DST: variants seen among roughly 807,000 people sequenced by gnomAD.
DST encodes the protein dystonin.
DST carries 253 observed loss-of-function variants against 875.2 expected under a neutral mutation model. The observed-to-expected ratio is 0.29, with a 90% CI of 0.26 to 0.32. DST has a LOEUF of 0.32. Ranked by LOEUF, DST falls within the 10% of genes least tolerant of loss-of-function variation. The pLI, the probability that DST is intolerant of heterozygous loss-of-function variation, is 1.00. For synonymous variants in DST, 3,124 were observed against 3,197.1 expected (o/e 0.98, Z 0.77); for missense variants, 8,287 against 9,111.6 (o/e 0.91, Z 3.68).
At chr6:56,792,584 C>T (rs1159587979) in intron 4 of DST, among the ~76,000 whole-genome samples, 3 of 152,054 alleles carry the variant, frequency 2.0e-5, no homozygotes, top group Admixed American at 1.3e-4. Flanking sequence ...CACAGGGGTA[C>T]ACCACCACAC....
chr6:56,761,012 T>C (rs2099615924), intron 4 of DST, among the ~76,000 whole-genome samples: 1 of 152,228 alleles, frequency 6.6e-6, no homozygotes, highest in Non-Finnish European at 1.5e-5. Flanking sequence ...AGTAACTGTG[T>C]TAGAGTTCTG....
chr6:56,644,550 T>G (rs956971523), intron 15 of DST, among the ~76,000 whole-genome samples: 1 of 152,132 alleles, frequency 6.6e-6, no homozygotes. Context: ...TTGGAGCTCA[T>G]ATCTGTGGAA....
chr6:56,509,440 G>A (rs1175022921), intron 74 of DST, among the ~76,000 whole-genome samples: 2 of 152,098 alleles, frequency 1.3e-5, no homozygotes, highest in Non-Finnish European at 2.9e-5. Flanking sequence ...ATAATGGCAC[G>A]CTTTGTATTC....
intron 45 of DST, among the ~76,000 whole-genome samples, chr6:56,599,868 A>C (rs1467145032): frequency 6.6e-6 from 1 of 152,034 alleles, no homozygotes; most frequent in Non-Finnish European, 1.5e-5. Context: ...AAAAAAAGTC[A>C]AAAAAATTAC....
intron 2 of DST, among the ~76,000 whole-genome samples, chr6:56,905,632 AT>A (rs34849441): frequency 0.025 from 3,768 of 150,992 alleles, 135 homozygotes; most frequent in African/African-American, 0.085. Flanking sequence ...GTATGCATAT[AT>A]TGCGTTTTCT....
chr6:56,471,138 C>T lies in DST; in HGVS notation c.22289G>A (p.Arg7430Gln), dbSNP rs1449851077. 1.2e-6 allele frequency: 2 copies of T among 1,611,300 alleles called. No individual in the cohort carries two copies. Among genetic ancestry groups the T allele is most frequent in the Non-Finnish European group, 1.7e-6 (2 of 1,178,752 alleles). ...AAGAATTCCATCAATAAATTCCTGC[C>T]GCGTTATTTTCCCATCCTGGTCTTT... Reference protein sequence around the residue: ...IDKDQDGKITRQEFIDGILSS... With the variant: ...IDKDQDGKITQQEFIDGILSS... The change falls in exon 95 of 104, where the codon CGG becomes CAG. Residue 7430 changes from arginine to glutamine, a missense_variant. Transcript: ENST00000680361.
At chr6:56,919,817 T>A (rs901662725) in intron 2 of DST, among the ~76,000 whole-genome samples, 1 of 152,104 alleles carries the variant, frequency 6.6e-6, no homozygotes, top group Non-Finnish European at 1.5e-5. Flanking sequence ...CATTTTGGCA[T>A]GCACCTGTAA....
intron 36 of DST, chr6:56,614,712 G>A: frequency 1.7e-6 from 2 of 1,144,002 alleles, no homozygotes. Context: ...TTAATGATTG[G>A]TCTAACCTCC....
chr6:56,791,347 A>G (rs573422915), intron 4 of DST, among the ~76,000 whole-genome samples: 5 of 152,204 alleles, frequency 3.3e-5, no homozygotes, highest in Non-Finnish European at 7.3e-5. Flanking sequence ...TGTAGGTGAG[A>G]GCAATTAGAT....
intron 29 of DST, 150 bp from the exon 30 acceptor site, chr6:56,631,539 T>C (rs2098780103): frequency 2.9e-6 from 2 of 701,050 alleles, no homozygotes; most frequent in African/African-American, 1.8e-5. Context: ...AACTACATCA[T>C]AGCATTCAAG....
Position 56,509,701 on chromosome 6 carries a change from T to C in DST, c.18953A>G (p.Gln6318Arg). 1 of 1,613,780 alleles carries C rather than the reference T, an allele frequency of 6.2e-7. No homozygotes were observed. The highest frequency in any genetic ancestry group is 1.3e-5 in the African/African-American group (1 of 75,044). ...KLQPLYETLK[Q>R]RGEEMIARSG... ...TCTAGCAATCATTTCCTCTCCCCTC[T>C]GTTTAAGAGTTTCATACAACGGCTG... The change falls in exon 74 of 104, where the codon CAG becomes CGG. Residue 6318 changes from glutamine (Q) to arginine (R), a missense_variant. Around this residue, in one of 10 missense-constraint regions of DST, gnomAD observed 1,292 missense variants for 1,552.7 expected, o/e 0.83. Coordinates refer to ENST00000680361, the MANE Select transcript of DST (RefSeq NM_001374736.1).
intron 3 of DST, among the ~76,000 whole-genome samples, chr6:56,889,081 G>A (rs972936602): frequency 1.3e-5 from 2 of 152,132 alleles, no homozygotes; most frequent in Admixed American, 6.6e-5. Context: ...AGTTATAAGC[G>A]ATCCTCAGTC....
chr6:56,874,001 G>A (rs2127617521), intron 3 of DST, among the ~76,000 whole-genome samples: 1 of 152,244 alleles, frequency 6.6e-6, no homozygotes, highest in South Asian at 2.1e-4. Flanking sequence ...CCTACTACTT[G>A]GGAGACTGAG....
At chr6:56,568,170 A>G (rs1290231115) in intron 55 of DST, among the ~76,000 whole-genome samples, 1 of 152,242 alleles carries the variant, frequency 6.6e-6, no homozygotes, top group Non-Finnish European at 1.5e-5. Context: ...TAAGGTAAAA[A>G]GCAAACAAAT....
At chr6:56,781,701 G>C (rs1367640083) in intron 4 of DST, among the ~76,000 whole-genome samples, 1 of 152,114 alleles carries the variant, frequency 6.6e-6, no homozygotes, top group Non-Finnish European at 1.5e-5. Flanking sequence ...TTTCCTAATT[G>C]AATACCCTTT....
In DST at chr6:56,463,129, C is replaced by T. The variant is rs1426250382; in HGVS notation, c.22987G>A (p.Gly7663Ser). Residue 7663 changes from glycine (G) to serine (S), a missense_variant, in exon 102 of 104, where the codon GGT becomes AGT. Around this residue, in one of 10 missense-constraint regions of DST, gnomAD observed 240 missense variants for 237.3 expected, o/e 1.01. Coordinates refer to ENST00000680361, the MANE Select transcript of DST (RefSeq NM_001374736.1). ...TTGCTGTTTGTCAACCATGGTTTAC[C>T]ATAATTGCGTGTTAAAGGATGGAGA... ...KILHPLTRNYGKPWLTNSKMS... is the reference protein window; with the variant it reads ...KILHPLTRNYSKPWLTNSKMS... 1 of 1,612,474 alleles carries T rather than the reference C, an allele frequency of 6.2e-7. No individual in the cohort carries two copies. Among genetic ancestry groups the T allele is most frequent in the Non-Finnish European group, 8.5e-7 (1 of 1,178,936 alleles).
intron 71 of DST, 50 bp from the exon 72 acceptor site, chr6:56,515,718 C>A: frequency 2.0e-6 from 3 of 1,464,256 alleles, no homozygotes; most frequent in Non-Finnish European, 2.8e-6. Flanking sequence ...AACGAGCACA[C>A]ACACTCCAGA....
chr6:56,843,688 C>CGGGGAGTG, intron 4 of DST: 1 of 795,012 alleles, frequency 1.3e-6, no homozygotes, highest in Non-Finnish European at 1.5e-6. Flanking sequence ...TCGCCCGCGC[C>CGGGGAGTG]GGGGAGAGAG....
intron 2 of DST, among the ~76,000 whole-genome samples, chr6:56,901,354 G>C (rs1306265592): frequency 6.6e-6 from 1 of 152,212 alleles, no homozygotes; most frequent in Non-Finnish European, 1.5e-5. Context: ...CCAGCACTTT[G>C]GGAGGCCAAG....
Sources: gnomAD v4.1 joint callset for allele counts (sites outside exome capture counted in the v4.1 genomes callset) on GRCh38, gnomAD v4.1.1 for gene constraint, gnomAD v4.1.1 regional missense constraint, MANE v1.5 for transcripts, NCBI Gene and HGNC (gene_info 2026-07-23, HGNC 2026-07-21) for gene names.